The following VCAN variants were observed in gnomAD, a reference collection of about 807,000 sequenced individuals.
VCAN encodes the protein versican core protein.
A neutral mutation model predicts 245.5 loss-of-function variants in VCAN; 44 were observed. The observed-to-expected ratio is 0.18, with a 90% CI of 0.14 to 0.23. VCAN has a LOEUF of 0.23. Ranked by LOEUF, VCAN falls within the 10% of genes least tolerant of loss-of-function variation. The probability of loss-of-function intolerance (pLI) is 1.00; values close to 1 mark genes in which losing one functional copy is unlikely to be tolerated. For synonymous variants in VCAN, 1,413 were observed against 1,437.0 expected (o/e 0.98, Z 0.38); for missense variants, 3,793 against 4,057.9 (o/e 0.93, Z 1.77).
intron 6 of VCAN, 100 bp downstream of exon 6, chr5:83,512,496 G>T (rs560982960): frequency 2.2e-5 from 30 of 1,384,360 alleles, no homozygotes; most frequent in Non-Finnish European, 2.8e-5. Context: ...TCCATGTCTT[G>T]CAGTGTGTGC....
chr5:83,575,830 C>CA (rs1357239666), intron 13 of VCAN, among the ~76,000 whole-genome samples: 11 of 151,996 alleles, frequency 7.2e-5, no homozygotes, highest in Non-Finnish European at 2.9e-5. Context: ...CAATGGATAA[C>CA]AAGTTTTATA....
At chr5:83,478,114 C>T (rs919575587) in intron 1 of VCAN, among the ~76,000 whole-genome samples, 4 of 151,816 alleles carry the variant, frequency 2.6e-5, no homozygotes, top group Non-Finnish European at 5.9e-5. Context: ...GGCTAATTTT[C>T]GTGTTTTTAG....
At position 83,522,131 on chromosome 5, in the gene VCAN, T is replaced by C; in HGVS notation, c.3825T>C (p.Ile1275=). Residue 1275 remains isoleucine, a synonymous_variant, in exon 7 of 15, where the codon ATT becomes ATC. Transcript: ENST00000265077. ...TAGCCAAGGAAACAGAAACCGATATTGATAGAGAGTATTTCACGACTTCAA... is the reference window on the plus strand; with the variant it reads ...TAGCCAAGGAAACAGAAACCGATATCGATAGAGAGTATTTCACGACTTCAA... ...DIVAKETETD[I]DREYFTTSSP... 1.2e-6 allele frequency: 2 copies of C among 1,613,662 alleles called. No individual in the cohort carries two copies. Among genetic ancestry groups the C allele is most frequent in the South Asian group, 1.1e-5 (1 of 91,084 alleles).
intron 1 of VCAN, among the ~76,000 whole-genome samples, chr5:83,475,815 T>C (rs1272147993): frequency 5.3e-5 from 8 of 152,200 alleles, no homozygotes; most frequent in Non-Finnish European, 1.2e-4. Context: ...CGGGATGAGA[T>C]TCAAGACAAT....
intron 5 of VCAN, among the ~76,000 whole-genome samples, chr5:83,495,995 A>G (rs7732125): frequency 0.097 from 14,689 of 152,166 alleles, 1,575 homozygotes; most frequent in East Asian, 0.61. Context: ...CCCAAATTCA[A>G]AATTATTTTT....
chr5:83,534,448 A>T (rs974078566), intron 7 of VCAN, among the ~76,000 whole-genome samples: 2 of 152,048 alleles, frequency 1.3e-5, no homozygotes, highest in Non-Finnish European at 2.9e-5. Flanking sequence ...TATGCTTGAC[A>T]CTGACCCATG....
intron 5 of VCAN, among the ~76,000 whole-genome samples, chr5:83,510,065 C>T (rs1350481592): frequency 6.6e-6 from 1 of 152,132 alleles, no homozygotes; most frequent in Non-Finnish European, 1.5e-5. Flanking sequence ...GGAAGGGAGA[C>T]GTTGTGAGAG....
intron 6 of VCAN, 93 bp from the exon 7 acceptor site, chr5:83,519,256 C>T: frequency 7.4e-7 from 1 of 1,344,544 alleles, no homozygotes; most frequent in Non-Finnish European, 1.0e-6. Context: ...AAAAATACTC[C>T]CTACAAAATA....
At chr5:83,534,787 G>A (rs1746643943) in intron 7 of VCAN, among the ~76,000 whole-genome samples, 1 of 152,044 alleles carries the variant, frequency 6.6e-6, no homozygotes, top group Non-Finnish European at 1.5e-5. Context: ...AATATTTCAA[G>A]AGATTCTTTT....
intron 1 of VCAN, among the ~76,000 whole-genome samples, chr5:83,478,558 T>C (rs1744478927): frequency 6.6e-6 from 1 of 152,204 alleles, no homozygotes; most frequent in Admixed American, 6.5e-5. Flanking sequence ...AGGCTCATCA[T>C]AGGGAACCAT....
Position 83,540,992 on chromosome 5 carries a change from A to G in VCAN, c.7989A>G (p.Leu2663=), listed in dbSNP as rs749126586. ...ESMTYEDRSQ[L]DHMGFHFTTG... ...TGACTTATGAAGATAGAAGCCAACT[A>G]GATCACATGGGCTTTCACTTCACAA... is the stretch of plus-strand genomic sequence containing the variant. Residue 2663 remains leucine, a synonymous_variant, in exon 8 of 15, where the codon CTA becomes CTG. Transcript: ENST00000265077. 2 of 1,614,120 alleles carry G rather than the reference A, an allele frequency of 1.2e-6. No homozygotes were observed. The highest frequency in any genetic ancestry group is 2.2e-5 in the East Asian group (1 of 44,872).
Position 83,512,378 on chromosome 5 carries a change from G to C in VCAN, c.1024G>C (p.Asp342His). The change falls in exon 6 of 15, where the codon GAT becomes CAT. Residue 342 changes from aspartate (D) to histidine (H), a missense_variant. Physicochemically the swap from Asp to His is moderately conservative, Grantham distance 81 (BLOSUM62 -1). Transcript: ENST00000265077. ...CTTCCCTCCCCCTGATAGCAGATTT[G>C]ATGCCTACTGCTTTAAACGTAAGTG... ...TGFPPPDSRFDAYCFKPKEAT... is the reference protein window; with the variant it reads ...TGFPPPDSRFHAYCFKPKEAT... 1.2e-6 allele frequency: 2 copies of C among 1,612,208 alleles called. No individual in the cohort carries two copies. The highest frequency in any genetic ancestry group is 1.7e-6 in the Non-Finnish European group (2 of 1,178,522).
At chr5:83,547,135 C>T (rs758925073) in intron 9 of VCAN, among the ~76,000 whole-genome samples, 7 of 152,042 alleles carry the variant, frequency 4.6e-5, no homozygotes, top group South Asian at 2.1e-4. Flanking sequence ...GAGAGGGAGA[C>T]GTATTGGGAG....
chr5:83,571,943 G>A (rs972326142), intron 12 of VCAN, among the ~76,000 whole-genome samples: 5 of 152,042 alleles, frequency 3.3e-5, no homozygotes, highest in Non-Finnish European at 7.4e-5. Context: ...ATGAGACAAA[G>A]TTACTTTATA....
At chr5:83,564,820 A>G (rs568138221) in intron 12 of VCAN, among the ~76,000 whole-genome samples, 4 of 152,196 alleles carry the variant, frequency 2.6e-5, no homozygotes, top group South Asian at 2.1e-4. Flanking sequence ...AACAATTAAA[A>G]TAATGTATTG....
intron 6 of VCAN, among the ~76,000 whole-genome samples, chr5:83,513,877 A>T (rs1745752717): frequency 6.6e-6 from 1 of 152,198 alleles, no homozygotes; most frequent in African/African-American, 2.4e-5. Flanking sequence ...GGAGAGGTTA[A>T]ATTAGGGAAC....
At chr5:83,531,513 T>A (rs1044591102) in intron 7 of VCAN, 9 of 152,176 alleles carry the variant, frequency 5.9e-5, no homozygotes, top group Admixed American at 5.9e-4. Flanking sequence ...TCGGGACGGC[T>A]GTCTATTGTA....
chr5:83,550,010 C>T (rs751764248), intron 10 of VCAN, among the ~76,000 whole-genome samples: 13 of 152,242 alleles, frequency 8.5e-5, no homozygotes, highest in East Asian at 1.9e-4. Context: ...ACAGTTACTC[C>T]GAAATAGGGG....
At chr5:83,578,724 G>C (rs75389726) in intron 13 of VCAN, among the ~76,000 whole-genome samples, 171 of 152,240 alleles carry the variant, frequency 1.1e-3, no homozygotes, top group South Asian at 2.1e-3. Context: ...TATTTCATGA[G>C]AGAATGTGGC....
Sources: allele counts gnomAD v4.1 joint callset (sites outside exome capture counted in the v4.1 genomes callset), GRCh38; gene constraint gnomAD v4.1.1; transcripts MANE v1.5; gene names NCBI Gene and HGNC (gene_info 2026-07-23, HGNC 2026-07-21).